ADCY1: variants seen among roughly 807,000 people sequenced by gnomAD.
ADCY1 encodes adenylate cyclase 1.
ADCY1 carries 28 observed loss-of-function variants against 105.4 expected under a neutral mutation model. The ratio of observed to expected loss-of-function variants is 0.27; its 90% confidence interval spans 0.20 to 0.36. The LOEUF (loss-of-function observed/expected upper bound fraction) is 0.36, where lower values mean the gene tolerates loss of function less well. ADCY1 is among the 10% of genes least tolerant of loss of function. The pLI, the probability that ADCY1 is intolerant of heterozygous loss-of-function variation, is 1.00. For synonymous variants in ADCY1, 655 were observed against 623.8 expected, an observed-to-expected ratio of 1.05 and a Z score of -0.75; for missense variants, 977 against 1,434.2, an observed-to-expected ratio of 0.68 and a Z score of 5.15.
Position 45,712,774 on chromosome 7 carries a change from G to A in ADCY1, c.3058-919G>A, listed in dbSNP as rs545133331. On this transcript the variant is annotated intron_variant, in intron 19 of 19. Transcript: ENST00000297323. ...AAGATCACACCTCCAACATAACGCA[G>A]AGATACCAGTCATGTCCTCTGTTCA... Among the ~76,000 whole-genome samples the A allele has an allele frequency of 6.9e-4, 105 of 152,254 alleles. 1 individual carries two copies. Among genetic ancestry groups the A allele is most frequent in the African/African-American group, 2.5e-3 (104 of 41,550 alleles).
intron 16 of ADCY1, 43 bp from the exon 17 acceptor site, chr7:45,704,475 C>G (rs769301080): frequency 1.9e-6 from 3 of 1,584,968 alleles, no homozygotes; most frequent in Non-Finnish European, 2.6e-6. Flanking sequence ...CGACTTTTCT[C>G]AAATGTTATG....
At chr7:45,699,343 G>A (rs1180434965) in intron 14 of ADCY1, among the ~76,000 whole-genome samples, 3 of 152,196 alleles carry the variant, frequency 2.0e-5, no homozygotes, top group Admixed American at 6.5e-5. Flanking sequence ...GTTGTCCAGC[G>A]GCTTGAGGGT....
intron 2 of ADCY1, among the ~76,000 whole-genome samples, chr7:45,601,739 G>A (rs961673568): frequency 6.6e-6 from 1 of 152,158 alleles, no homozygotes; most frequent in Admixed American, 6.5e-5. Flanking sequence ...TCATACACAT[G>A]CTTTTGTGAC....
intron 11 of ADCY1, among the ~76,000 whole-genome samples, chr7:45,683,339 A>G (rs1784598976): frequency 6.6e-6 from 1 of 152,126 alleles, no homozygotes; most frequent in South Asian, 2.1e-4. Flanking sequence ...GTATATGACT[A>G]CATCTCACCA....
In ADCY1 at chr7:45,721,530, C is replaced by T. The variant is rs1313356328; in HGVS notation, c.*7535C>T. On this transcript the variant is annotated 3_prime_UTR_variant, in exon 20 of 20. Coordinates refer to ENST00000297323, the MANE Select transcript of ADCY1 (RefSeq NM_021116.4). The stretch of plus-strand genomic sequence containing the variant: ...CACCTCCAGACACCCTGAAACTACA[C>T]ACCATTTCTTCCCTGCTCAGCTTCT... The T allele has an allele frequency of 5.0e-6, 2 of 396,756 alleles. No individual in the cohort carries two copies. The highest frequency in any genetic ancestry group is 4.4e-5 in the Admixed American group (1 of 22,684). The allele number at this position is 396,756 out of a possible 1,614,324, so 24.6% of individuals were successfully genotyped here.
chr7:45,575,785 C>A lies in ADCY1; in HGVS notation c.639+603C>A, dbSNP rs1025638192. On this transcript the variant is annotated intron_variant, in intron 1 of 19. Coordinates refer to ENST00000297323, the MANE Select transcript of ADCY1 (RefSeq NM_021116.4). This position sits in a 1 kb window ranked among gnomAD's most constrained non-coding sequence, Gnocchi z 4.7. ...GCCAAGGTCAAACACAGTCTAGTCC[C>A]TGCCGCTGCCACTCGGCGGTTGCCC... Among the ~76,000 whole-genome samples, 1 of 152,270 alleles carries A rather than the reference C, an allele frequency of 6.6e-6. No individual in the cohort carries two copies. The highest frequency in any genetic ancestry group is 1.5e-5 in the Non-Finnish European group (1 of 68,050).
chr7:45,639,750 G>A (rs1794489009), intron 4 of ADCY1, among the ~76,000 whole-genome samples: 1 of 152,218 alleles, frequency 6.6e-6, no homozygotes, highest in Middle Eastern at 3.2e-3. Flanking sequence ...TGGTACAGGC[G>A]GGTCCCTGAT....
chr7:45,610,780 G>T (rs796421993), intron 3 of ADCY1, among the ~76,000 whole-genome samples: 1 of 57,574 alleles, frequency 1.7e-5, no homozygotes, highest in Non-Finnish European at 3.7e-5. Flanking sequence ...GTGGAGGTGT[G>T]GGGGTGATGG....
chr7:45,649,670 G>A (rs773170843), intron 5 of ADCY1, among the ~76,000 whole-genome samples: 1 of 152,234 alleles, frequency 6.6e-6, no homozygotes, highest in Admixed American at 6.5e-5. Flanking sequence ...CCCATGCAGT[G>A]CTCCTGCAGA....
Position 45,721,927 on chromosome 7 carries a change from A to G in ADCY1, c.*7932A>G. The G allele has an allele frequency of 2.5e-6, 1 of 398,420 alleles. No individual in the cohort carries two copies. The highest frequency in any genetic ancestry group is 3.6e-5 in the East Asian group (1 of 28,080). 24.7% of individuals were successfully genotyped at this position (398,420 alleles called of 1,614,324 possible). ...ACATAATAGCCTAGATGAACTCCCA[A>G]GAGATCTATTAAATCTTGTGGGCTG... On this transcript the variant is annotated 3_prime_UTR_variant, in exon 20 of 20. Coordinates refer to ENST00000297323, the MANE Select transcript of ADCY1 (RefSeq NM_021116.4).
intron 4 of ADCY1, among the ~76,000 whole-genome samples, chr7:45,627,286 A>G (rs568204770): frequency 4.9e-4 from 75 of 152,268 alleles, no homozygotes; most frequent in South Asian, 1.7e-3. Flanking sequence ...ACTCCTACTC[A>G]TCCTTGAAAG....
At chr7:45,660,214 A>C (rs775130861) in intron 7 of ADCY1, 31 bp downstream of exon 7, 9 of 1,613,006 alleles carry the variant, frequency 5.6e-6, no homozygotes, top group Admixed American at 1.7e-5. Context: ...CATTTGGTTG[A>C]TCCTTAGCTT....
chr7:45,592,347 G>T (rs1792945301), intron 1 of ADCY1, among the ~76,000 whole-genome samples: 1 of 152,158 alleles, frequency 6.6e-6, no homozygotes, highest in Admixed American at 6.5e-5. Context: ...CTTCCCGCTG[G>T]CTGTGTCTGT....
chr7:45,711,607 G>GTATATATATATATATA (rs71030888), intron 19 of ADCY1, among the ~76,000 whole-genome samples: 5 of 70,798 alleles, frequency 7.1e-5, no homozygotes, highest in Admixed American at 1.8e-4. Context: ...ACTTCGTGCT[G>GTATATATATATATATA]TATATATATA....
chr7:45,684,930 TCACC>T (rs1562722846), intron 11 of ADCY1, 45 bp from the exon 12 acceptor site: 8 of 1,535,052 alleles, frequency 5.2e-6, no homozygotes, highest in Middle Eastern at 1.7e-4. Context: ...TGCACGTGAA[TCACC>T]TTGGTAATCA....
chr7:45,700,569 A>C (rs1784978597), intron 14 of ADCY1, among the ~76,000 whole-genome samples: 2 of 152,160 alleles, frequency 1.3e-5, no homozygotes, highest in African/African-American at 4.8e-5. Flanking sequence ...TGGATGGTTC[A>C]GTGAGGTTTG....
chr7:45,692,616 A>T (rs1784804995), intron 14 of ADCY1, among the ~76,000 whole-genome samples: 1 of 152,178 alleles, frequency 6.6e-6, no homozygotes, highest in Non-Finnish European at 1.5e-5. Flanking sequence ...TTGTTATTTT[A>T]AAAAATCAGT....
At position 45,678,237 on chromosome 7, in the gene ADCY1, C is replaced by A. The variant is rs763674055; in HGVS notation, c.1872C>A (p.Gly624=). Residue 624 remains glycine (G), a synonymous_variant, in exon 10 of 20, where the codon GGC becomes GGA. Coordinates refer to ENST00000297323, the MANE Select transcript of ADCY1 (RefSeq NM_021116.4). ...CCCTCATCCTGGCTGCCTTATTTGG[C>A]CTTGTCTACCTTCTAATATTCCCAC... ...VLTLILAALF[G]LVYLLIFPQS... 1.9e-6 allele frequency: 3 copies of A among 1,614,026 alleles called. 1 individual carries two copies. Among genetic ancestry groups the A allele is most frequent in the South Asian group, 2.2e-5 (2 of 91,080 alleles).
chr7:45,676,280 A>T (rs1199187135), intron 8 of ADCY1, among the ~76,000 whole-genome samples: 1 of 152,114 alleles, frequency 6.6e-6, no homozygotes, highest in Non-Finnish European at 1.5e-5. Context: ...GTGTGTTCAT[A>T]ATTACTTATT....
Sources: allele counts gnomAD v4.1 joint callset (sites outside exome capture counted in the v4.1 genomes callset), GRCh38; gene constraint gnomAD v4.1.1; non-coding constraint Gnocchi (gnomAD v3.1); transcripts MANE v1.5; gene names NCBI Gene and HGNC (gene_info 2026-07-23, HGNC 2026-07-21).